The following PPM1L variants were observed in gnomAD, a reference collection of about 807,000 sequenced individuals.
PPM1L encodes protein phosphatase, Mg2+/Mn2+ dependent 1L.
Under a neutral mutation model 31.4 loss-of-function variants are expected in PPM1L, and 13 were observed. The ratio of observed to expected loss-of-function variants is 0.41; its 90% CI spans 0.27 to 0.66. The LOEUF (loss-of-function observed/expected upper bound fraction) is 0.66. Ranked by LOEUF, PPM1L falls within the 30% of genes least tolerant of loss-of-function variation. The pLI is 0.29. For missense variants in PPM1L, 326 were observed against 453.7 expected (o/e 0.72, Z 2.56); for synonymous variants, 184 against 175.4 (o/e 1.05, Z -0.39).
At chr3:161,054,217 G>C (rs1290625283) in intron 2 of PPM1L, among the ~76,000 whole-genome samples, 2 of 152,110 alleles carry the variant, frequency 1.3e-5, no homozygotes, top group Admixed American at 1.3e-4. Flanking sequence ...GAAGGCCTTG[G>C]TGTGTTCTTA....
At chr3:160,820,873 G>A (rs1009163659) in intron 1 of PPM1L, among the ~76,000 whole-genome samples, 17 of 152,078 alleles carry the variant, frequency 1.1e-4, no homozygotes, top group East Asian at 3.9e-4. Flanking sequence ...ATTTCCTTGT[G>A]TACATATGCA....
chr3:161,069,425 C>A lies in PPM1L; in HGVS notation c.*268C>A. On this transcript the variant is annotated 3_prime_UTR_variant, in exon 4 of 4. Transcript: ENST00000498165. ...ATATAAGTAAATAGCTGTAGAGTCA[C>A]ATATATGAAGTGAATAGCATATGTG... 2.2e-6 allele frequency: 1 copy of A among 465,042 alleles called. No individual in the cohort carries two copies. The highest frequency in any genetic ancestry group is 3.9e-6 in the Non-Finnish European group (1 of 259,690). The allele number at this position is 465,042 out of a possible 1,614,324, so 28.8% of individuals were successfully genotyped here.
At chr3:160,797,552 C>T (rs959709192) in intron 1 of PPM1L, among the ~76,000 whole-genome samples, 2 of 152,158 alleles carry the variant, frequency 1.3e-5, no homozygotes, top group Admixed American at 1.3e-4. Context: ...AAAGCTGAGA[C>T]AGGTCAGAAG....
At chr3:160,790,390 G>A (rs746500260) in intron 1 of PPM1L, among the ~76,000 whole-genome samples, 3 of 152,094 alleles carry the variant, frequency 2.0e-5, no homozygotes, top group Non-Finnish European at 2.9e-5. Flanking sequence ...TATTTTATCA[G>A]GGTATAAATG....
rs1014614638 is a variant in PPM1L at position 161,069,430 on chromosome 3, A to T, written c.*273A>T. ...AGTAAATAGCTGTAGAGTCACATAT[A>T]TGAAGTGAATAGCATATGTGTCATT... On this transcript the variant is annotated 3_prime_UTR_variant, in exon 4 of 4. Coordinates refer to ENST00000498165, the MANE Select transcript of PPM1L (RefSeq NM_139245.4). 53 of 448,830 alleles carry T rather than the reference A, an allele frequency of 1.2e-4. No homozygotes were observed. The East Asian group carries it at 2.1e-3, about 18-fold the overall frequency. The allele number at this position is 448,830 out of a possible 1,614,324, so 27.8% of individuals were successfully genotyped here.
chr3:161,004,869 T>G (rs1432748017), intron 2 of PPM1L, among the ~76,000 whole-genome samples: 1 of 152,248 alleles, frequency 6.6e-6, no homozygotes, highest in East Asian at 1.9e-4. Context: ...TAGTCATTTC[T>G]TGCCTTCTGC....
chr3:160,903,020 A>G (rs1334550047), intron 1 of PPM1L, among the ~76,000 whole-genome samples: 1 of 152,200 alleles, frequency 6.6e-6, no homozygotes, highest in African/African-American at 2.4e-5. Context: ...GGGACCTTAG[A>G]TAAGGTACAT....
At position 160,999,749 on chromosome 3, in the gene PPM1L, G is replaced by A. The variant is rs1717423811; in HGVS notation, c.574+37839G>A. 2.0e-5 allele frequency among the ~76,000 whole-genome samples: 3 copies of A among 152,192 alleles called. No individual in the cohort carries two copies. In the South Asian group the frequency reaches 6.2e-4, roughly 32 times the overall value. ...GTTTACAATGCCAGTATCTCAGTCT[G>A]AAGCATCTATAATTTGGGTCATTTT... On this transcript the variant is annotated intron_variant, in intron 2 of 3. Transcript: ENST00000498165.
chr3:160,950,624 G>C (rs2108097681), intron 1 of PPM1L, among the ~76,000 whole-genome samples: 1 of 152,334 alleles, frequency 6.6e-6, no homozygotes, highest in South Asian at 2.1e-4. Context: ...CTTGTAGGTA[G>C]CTGCAGGGCA....
At chr3:160,832,806 A>G (rs1713563587) in intron 1 of PPM1L, among the ~76,000 whole-genome samples, 1 of 152,034 alleles carries the variant, frequency 6.6e-6, no homozygotes, top group African/African-American at 2.4e-5. Flanking sequence ...CAGGATATGC[A>G]GGTTTGTTAC....
chr3:160,769,942 C>T (rs1020176636), intron 1 of PPM1L, among the ~76,000 whole-genome samples: 7 of 152,078 alleles, frequency 4.6e-5, no homozygotes, highest in Non-Finnish European at 1.0e-4. Flanking sequence ...AAAGACTTTT[C>T]GGTAGGTCAA....
chr3:160,963,718 T>G (rs1340347595), intron 2 of PPM1L, among the ~76,000 whole-genome samples: 1 of 151,984 alleles, frequency 6.6e-6, no homozygotes, highest in African/African-American at 2.4e-5. Flanking sequence ...AGCATGAACA[T>G]TAGCTGCAAT....
Position 161,074,012 on chromosome 3 carries a change from G to C in PPM1L, c.*4855G>C, listed in dbSNP as rs897145771. The C allele has an allele frequency of 2.0e-5, 3 of 152,032 alleles. No homozygotes were observed. The highest frequency in any genetic ancestry group is 4.4e-5 in the Non-Finnish European group (3 of 68,010). The allele number at this position is 152,032 out of a possible 1,614,324, so 9.4% of individuals were successfully genotyped here. A position where few individuals can be genotyped will look rare whatever the true frequency, so the allele number is the denominator to read the frequency against. On this transcript the variant is annotated 3_prime_UTR_variant, in exon 4 of 4. Transcript: ENST00000498165. ...ATATTTTTATATTTCATTACTATAT[G>C]ATATTTAAAAATATACAGAAAATCA...
At chr3:160,951,973 G>T (rs1715588001) in intron 1 of PPM1L, among the ~76,000 whole-genome samples, 1 of 152,180 alleles carries the variant, frequency 6.6e-6, no homozygotes, top group Non-Finnish European at 1.5e-5. Context: ...GTTTAAGCCT[G>T]GGACTTTTTC....
chr3:160,785,503 C>T (rs551357416), intron 1 of PPM1L, among the ~76,000 whole-genome samples: 1 of 152,186 alleles, frequency 6.6e-6, no homozygotes, highest in African/African-American at 2.4e-5. Context: ...CTCTAAAACC[C>T]CTCCCCAGAA....
chr3:160,971,314 G>T (rs1478992153), intron 2 of PPM1L, among the ~76,000 whole-genome samples: 1 of 152,076 alleles, frequency 6.6e-6, no homozygotes, highest in African/African-American at 2.4e-5. Flanking sequence ...ACAGTTATTG[G>T]TTCATTCATT....
intron 2 of PPM1L, among the ~76,000 whole-genome samples, chr3:161,013,324 T>C (rs1014631409): frequency 6.6e-6 from 1 of 152,212 alleles, no homozygotes; most frequent in Non-Finnish European, 1.5e-5. Context: ...TCCCATGTAG[T>C]TGAATGGTTT....
intron 1 of PPM1L, among the ~76,000 whole-genome samples, chr3:160,883,864 G>A (rs1712815669): frequency 1.5e-5 from 2 of 131,468 alleles, no homozygotes; most frequent in African/African-American, 5.6e-5. Context: ...GAGCAACTTA[G>A]TGAGACCTTG....
chr3:160,836,447 T>G (rs902261101), intron 1 of PPM1L, among the ~76,000 whole-genome samples: 1 of 152,206 alleles, frequency 6.6e-6, no homozygotes, highest in Non-Finnish European at 1.5e-5. Context: ...AAGAAGGCTC[T>G]TGTGCTTTTG....
Sources: gnomAD v4.1 joint callset for allele counts (sites outside exome capture counted in the v4.1 genomes callset) on GRCh38, gnomAD v4.1.1 for gene constraint, MANE v1.5 for transcripts, NCBI Gene and HGNC (gene_info 2026-07-23, HGNC 2026-07-21) for gene names.